The following MYO9B variants were observed in gnomAD, a reference collection of about 807,000 sequenced individuals.
The protein encoded by MYO9B is myosin IXB.
In MYO9B, 71 loss-of-function variants were observed where a neutral mutation model predicts 229.5. The ratio of observed to expected loss-of-function variants is 0.31; its 90% CI spans 0.26 to 0.38. The LOEUF (loss-of-function observed/expected upper bound fraction) is 0.38, where lower values mean the gene tolerates loss of function less well. MYO9B is among the 10% of genes least tolerant of loss of function. MYO9B has a pLI of 1.00. For missense variants in MYO9B, 2,255 were observed against 2,920.5 expected (o/e 0.77, Z 5.25); for synonymous variants, 1,185 against 1,235.8 (o/e 0.96, Z 0.86).
intron 1 of MYO9B, among the ~76,000 whole-genome samples, chr19:17,077,578 C>G (rs937889674): frequency 1.3e-5 from 2 of 152,202 alleles, no homozygotes; most frequent in Admixed American, 6.5e-5. Context: ...GTGGGGGGAG[C>G]ACTGTGTTGG....
intron 10 of MYO9B, among the ~76,000 whole-genome samples, chr19:17,167,685 G>A (rs1379379394): frequency 6.6e-6 from 1 of 151,618 alleles, no homozygotes; most frequent in Non-Finnish European, 1.5e-5. Context: ...TGCTATGTTG[G>A]TCAGGCTGGT....
At chr19:17,112,134 C>T (rs1162750413) in intron 2 of MYO9B, among the ~76,000 whole-genome samples, 2 of 152,132 alleles carry the variant, frequency 1.3e-5, no homozygotes. Context: ...ATCAGTGTCC[C>T]CCACAAGAAC....
At chr19:17,090,991 TC>T (rs1288131630) in intron 1 of MYO9B, among the ~76,000 whole-genome samples, 1 of 152,152 alleles carries the variant, frequency 6.6e-6, no homozygotes, top group East Asian at 1.9e-4. Flanking sequence ...GTCCCAGGTC[TC>T]CTGGGAAACC....
intron 1 of MYO9B, among the ~76,000 whole-genome samples, chr19:17,094,081 G>T (rs1279649170): frequency 2.2e-5 from 3 of 137,668 alleles, no homozygotes; most frequent in Admixed American, 7.2e-5. Context: ...TGTTCCCCGG[G>T]CTGGAGTGCA....
rs779630778 is a variant in MYO9B, at chr19:17,172,779, G to A, written c.1956G>A (p.Met652Ile). 1.9e-6 allele frequency: 3 copies of A among 1,613,632 alleles called. No homozygotes were observed. The change falls in exon 13 of 40, where the codon ATG (methionine) becomes ATA (isoleucine). Residue 652 changes from methionine to isoleucine, a missense_variant. By Grantham distance (10) the Met-to-Ile change is conservative. Around this residue, in one of 7 missense-constraint regions of MYO9B, gnomAD observed 220 missense variants for 404.5 expected, o/e 0.54. Coordinates refer to ENST00000682292, the MANE Select transcript of MYO9B (RefSeq NM_004145.4). The surrounding 1 kb of genome is among the most constrained non-coding windows in gnomAD (Gnocchi z 8.2). ...YQIKDFREKN[M>I]DYMRPDIVAL... ...ACCAGGACTTCCGGGAGAAGAACAT[G>A]GACTACATGCGGCCAGACATCGTGG...
At chr19:17,176,422 C>T (rs1432313470) in intron 14 of MYO9B, among the ~76,000 whole-genome samples, 1 of 152,182 alleles carries the variant, frequency 6.6e-6, no homozygotes. Context: ...CCACCTGCCT[C>T]AGCCTCCCAA....
chr19:17,163,916 T>C (rs1353423578), intron 10 of MYO9B, among the ~76,000 whole-genome samples: 1 of 152,244 alleles, frequency 6.6e-6, no homozygotes, highest in African/African-American at 2.4e-5. Context: ...CTTTTGGCTA[T>C]TGTGCATAAT....
chr19:17,188,137 T>G (rs3826690), intron 19 of MYO9B, 92 bp downstream of exon 19: 17 of 1,198,712 alleles, frequency 1.4e-5, no homozygotes, highest in Non-Finnish European at 1.9e-5. Context: ...GAGTGTAAAC[T>G]CAGCAGGTTG....
intron 11 of MYO9B, among the ~76,000 whole-genome samples, chr19:17,169,307 G>A (rs1007145530): frequency 8.9e-5 from 13 of 146,472 alleles, no homozygotes; most frequent in Non-Finnish European, 4.5e-5. Flanking sequence ...GGGAGGCGGA[G>A]GTTGCAGTGA....
At chr19:17,110,059 G>A in intron 2 of MYO9B, among the ~76,000 whole-genome samples, 1 of 152,088 alleles carries the variant, frequency 6.6e-6, no homozygotes. Context: ...CTCTCGCCCG[G>A]GCTGCAGAAA....
chr19:17,193,672 G>A lies in MYO9B; in HGVS notation c.3128+610G>A, dbSNP rs576097193. Among the ~76,000 whole-genome samples the A allele has an allele frequency of 2.0e-4, 31 of 152,300 alleles. No homozygotes were observed. In the South Asian group the frequency reaches 5.0e-3, roughly 24 times the overall value. On this transcript the variant is annotated intron_variant, in intron 21 of 39. Transcript: ENST00000682292. This position sits in a 1 kb window ranked among gnomAD's most constrained non-coding sequence, Gnocchi z 4.3. Reference sequence around the variant, plus strand: ...ATGGGAAGATCGCTTGAGCACAGGAGTTCAAGACCAGCCTGGCCAATATAG... The same window carrying A: ...ATGGGAAGATCGCTTGAGCACAGGAATTCAAGACCAGCCTGGCCAATATAG...
Position 17,210,769 on chromosome 19 carries a change from G to C in MYO9B, c.5851G>C (p.Glu1951Gln), listed in dbSNP as rs2145527552. 1.9e-6 allele frequency: 3 copies of C among 1,575,738 alleles called. No homozygotes were observed. Among genetic ancestry groups the C allele is most frequent in the East Asian group, 4.7e-5 (2 of 42,546 alleles). The change falls in exon 38 of 40, where the codon GAG becomes CAG. Residue 1951 changes from glutamate (E) to glutamine (Q), a missense_variant. Glu to Gln is a conservative substitution (Grantham distance 29). Coordinates refer to ENST00000682292, the MANE Select transcript of MYO9B (RefSeq NM_004145.4). ...IQEEELEVLL[E>Q]EEAAGGDEDR... is the part of the protein sequence containing the mutation. Reference sequence around the variant, plus strand: ...GGAGGAGGAGCTGGAGGTGCTGCTGGAGGAGGAGGCAGCCGGCGGCGATGA... The same window carrying C: ...GGAGGAGGAGCTGGAGGTGCTGCTGCAGGAGGAGGCAGCCGGCGGCGATGA...
chr19:17,133,044 C>T (rs2072222253), intron 2 of MYO9B, among the ~76,000 whole-genome samples: 1 of 151,886 alleles, frequency 6.6e-6, no homozygotes, highest in Non-Finnish European at 1.5e-5. Context: ...GACAGGGTTT[C>T]ACCATGATAG....
In MYO9B at chr19:17,101,525, C is replaced by A; in HGVS notation, c.-58-135C>A. On this transcript the variant is annotated intron_variant, in intron 1 of 39. Transcript: ENST00000682292. This position sits in a 1 kb window ranked among gnomAD's most constrained non-coding sequence, Gnocchi z 4.7. ...GGATGTCGTGACTGGTTGCCTCTGG[C>A]TTTTTGGGCGAGCCTAGTCGGGTGG... 1.1e-6 allele frequency: 1 copy of A among 879,682 alleles called. No homozygotes were observed. The highest frequency in any genetic ancestry group is 1.7e-6 in the Non-Finnish European group (1 of 598,424). The allele number at this position is 879,682 out of a possible 1,614,324, so 54.5% of individuals were successfully genotyped here. A position where few individuals can be genotyped will look rare whatever the true frequency, so the allele number is the denominator to read the frequency against.
chr19:17,111,597 A>G (rs1051450035), intron 2 of MYO9B, among the ~76,000 whole-genome samples: 3 of 151,966 alleles, frequency 2.0e-5, no homozygotes, highest in Non-Finnish European at 1.5e-5. Context: ...TAATTTTTTT[A>G]TTTTTTGTAG....
chr19:17,142,030 T>C (rs892119052), intron 2 of MYO9B, among the ~76,000 whole-genome samples: 1 of 151,912 alleles, frequency 6.6e-6, no homozygotes, highest in African/African-American at 2.4e-5. Flanking sequence ...TTTTAAAAAT[T>C]AGCCAAGCAT....
intron 2 of MYO9B, among the ~76,000 whole-genome samples, chr19:17,110,695 A>G (rs920149710): frequency 1.3e-5 from 2 of 152,140 alleles, no homozygotes; most frequent in African/African-American, 2.4e-5. Flanking sequence ...CCTGGACTCC[A>G]TGGAGCCCCT....
chr19:17,182,927 T>TG (rs978174500), intron 15 of MYO9B, among the ~76,000 whole-genome samples: 87 of 151,838 alleles, frequency 5.7e-4, no homozygotes, highest in African/African-American at 1.9e-3. Flanking sequence ...CTTTGGGTTT[T>TG]GGGGGGGGTT....
intron 1 of MYO9B, among the ~76,000 whole-genome samples, chr19:17,080,117 G>A (rs1459375244): frequency 6.6e-6 from 1 of 152,178 alleles, no homozygotes; most frequent in Non-Finnish European, 1.5e-5. Flanking sequence ...CCATGGGTTC[G>A]TCGGAGTGAT....
Sources: allele counts gnomAD v4.1 joint callset (sites outside exome capture counted in the v4.1 genomes callset), GRCh38; gene constraint gnomAD v4.1.1; regional missense constraint gnomAD v4.1.1; non-coding constraint Gnocchi (gnomAD v3.1); transcripts MANE v1.5; gene names NCBI Gene and HGNC (gene_info 2026-07-23, HGNC 2026-07-21).